PCDH15: variants seen among roughly 807,000 people sequenced by gnomAD.
PCDH15 encodes protocadherin-15.
PCDH15 carries 129 observed loss-of-function variants against 178.5 expected under a neutral mutation model. That is an observed-to-expected ratio of 0.72 (90% CI 0.63 to 0.84). The LOEUF (loss-of-function observed/expected upper bound fraction) is 0.84, where lower values mean the gene tolerates loss of function less well. PCDH15 is among the 40% of genes least tolerant of loss of function. The pLI is 0.00. For synonymous variants in PCDH15, 800 were observed against 732.0 expected, an observed-to-expected ratio of 1.09 and a Z score of -1.50; for missense variants, 2,230 against 2,099.9, an observed-to-expected ratio of 1.06 and a Z score of -1.21.
At chr10:54,811,329 T>C (rs991178107) in intron 3 of PCDH15, among the ~76,000 whole-genome samples, 6 of 152,118 alleles carry the variant, frequency 3.9e-5, no homozygotes, top group Non-Finnish European at 7.4e-5. Flanking sequence ...ACTGATGCGG[T>C]GTTTGATATA....
At chr10:53,913,578 CAAAAAA>C (rs55917688) in intron 25 of PCDH15, among the ~76,000 whole-genome samples, 1 of 142,536 alleles carries the variant, frequency 7.0e-6, no homozygotes, top group Non-Finnish European at 1.5e-5. Context: ...CTAAAAGATA[CAAAAAA>C]AAAAAAAAAA....
intron 2 of PCDH15, among the ~76,000 whole-genome samples, chr10:54,550,722 T>G (rs11004378): frequency 7.9e-5 from 12 of 152,048 alleles, no homozygotes; most frequent in Non-Finnish European, 1.8e-4. Flanking sequence ...TATCAGCCTT[T>G]TATTCAAGTA....
intron 2 of PCDH15, among the ~76,000 whole-genome samples, chr10:55,417,122 T>C (rs543500241): frequency 1.3e-5 from 2 of 151,946 alleles, no homozygotes; most frequent in African/African-American, 4.8e-5. Flanking sequence ...ATTTGGAAAT[T>C]GTATCATATT....
chr10:54,089,184 T>C (rs75578130), intron 16 of PCDH15, among the ~76,000 whole-genome samples: 3,087 of 152,328 alleles, frequency 0.02, 107 homozygotes, highest in African/African-American at 0.067. Flanking sequence ...TTCTCTTGTT[T>C]TGGCATTATG....
At chr10:54,647,182 A>G (rs1375631547) in intron 2 of PCDH15, among the ~76,000 whole-genome samples, 1 of 152,128 alleles carries the variant, frequency 6.6e-6, no homozygotes, top group Non-Finnish European at 1.5e-5. Flanking sequence ...AAATCCTGCA[A>G]TATTTGACAA....
chr10:53,971,126 G>C (rs1299882684), intron 21 of PCDH15, among the ~76,000 whole-genome samples: 2 of 152,170 alleles, frequency 1.3e-5, no homozygotes, highest in Admixed American at 6.5e-5. Flanking sequence ...TGCAAGGCTG[G>C]TTCAACATAC....
intron 1 of PCDH15, among the ~76,000 whole-genome samples, chr10:54,710,492 T>C (rs111662876): frequency 1.3e-5 from 2 of 152,144 alleles, no homozygotes; most frequent in African/African-American, 2.4e-5. Flanking sequence ...CAGTATATTA[T>C]GTTATTATTA....
intron 15 of PCDH15, among the ~76,000 whole-genome samples, chr10:54,092,304 AACTATTTT>A (rs1350677133): frequency 6.6e-6 from 1 of 152,104 alleles, no homozygotes; most frequent in Non-Finnish European, 1.5e-5. Flanking sequence ...TTATGGTAGT[AACTATTTT>A]ACTAACGTGT....
At chr10:54,850,990 G>A (rs1953610835) in intron 3 of PCDH15, among the ~76,000 whole-genome samples, 1 of 152,166 alleles carries the variant, frequency 6.6e-6, no homozygotes, top group East Asian at 1.9e-4. Context: ...ATAAGGAAAT[G>A]TGAAATCTTA....
intron 13 of PCDH15, among the ~76,000 whole-genome samples, chr10:54,163,086 G>T (rs1486872409): frequency 1.3e-5 from 2 of 152,064 alleles, no homozygotes; most frequent in East Asian, 1.9e-4. Flanking sequence ...CAATTATAAG[G>T]ATCCTTTTGC....
At chr10:54,136,398 A>ATTT (rs34653991) in intron 14 of PCDH15, among the ~76,000 whole-genome samples, 11 of 145,768 alleles carry the variant, frequency 7.5e-5, no homozygotes, top group African/African-American at 2.5e-4. Flanking sequence ...ACTGTTTAAC[A>ATTT]TTTTTTTTTT....
intron 26 of PCDH15, among the ~76,000 whole-genome samples, chr10:53,880,094 G>A (rs2080592943): frequency 6.6e-6 from 1 of 152,138 alleles, no homozygotes; most frequent in Non-Finnish European, 1.5e-5. Flanking sequence ...CCAATGCAGT[G>A]TTCAATATTA....
At chr10:55,523,884 T>C (rs1180025592) in intron 2 of PCDH15, among the ~76,000 whole-genome samples, 4 of 151,694 alleles carry the variant, frequency 2.6e-5, no homozygotes, top group South Asian at 2.1e-4. Context: ...TCTCCTGTTA[T>C]AAACAAATAA....
At chr10:54,423,731 A>G (rs1264170829) in intron 3 of PCDH15, among the ~76,000 whole-genome samples, 1 of 151,886 alleles carries the variant, frequency 6.6e-6, no homozygotes, top group Non-Finnish European at 1.5e-5. Flanking sequence ...TGAATTTGGG[A>G]AAAAAGTTTG....
At chr10:54,146,021 C>A (rs1011944934) in intron 14 of PCDH15, among the ~76,000 whole-genome samples, 1 of 151,938 alleles carries the variant, frequency 6.6e-6, no homozygotes, top group Non-Finnish European at 1.5e-5. Flanking sequence ...GCATCTGAAT[C>A]CCATGTGGGC....
At chr10:55,347,854 G>T (rs1844804127) in intron 2 of PCDH15, among the ~76,000 whole-genome samples, 2 of 152,008 alleles carry the variant, frequency 1.3e-5, no homozygotes, top group Admixed American at 1.3e-4. Flanking sequence ...TTTGCAATTT[G>T]AAAATCAAAA....
chr10:54,464,252 G>T (rs2077379195), intron 3 of PCDH15, among the ~76,000 whole-genome samples: 2 of 152,078 alleles, frequency 1.3e-5, no homozygotes, highest in Admixed American at 6.6e-5. Flanking sequence ...TGCAACAAGG[G>T]CACAGTTGGG....
At chr10:55,330,879 T>C (rs1844183015) in intron 2 of PCDH15, among the ~76,000 whole-genome samples, 1 of 151,566 alleles carries the variant, frequency 6.6e-6, no homozygotes, top group Non-Finnish European at 1.5e-5. Context: ...TATGTGTATG[T>C]GTATGAGGGA....
At chr10:54,607,621 C>G (rs940746984) in intron 2 of PCDH15, among the ~76,000 whole-genome samples, 2 of 151,852 alleles carry the variant, frequency 1.3e-5, no homozygotes, top group Admixed American at 6.6e-5. Flanking sequence ...ATAGTCCTTA[C>G]GATTAGAATT....
Sources: gnomAD v4.1 joint callset for allele counts (sites outside exome capture counted in the v4.1 genomes callset) on GRCh38, gnomAD v4.1.1 for gene constraint, MANE v1.5 for transcripts, NCBI Gene and HGNC (gene_info 2026-07-23, HGNC 2026-07-21) for gene names.